RAB7A: variants seen among roughly 807,000 people sequenced by gnomAD.
The protein encoded by RAB7A is ras-related protein Rab-7a.
A neutral mutation model predicts 24.5 loss-of-function variants in RAB7A; 2 were observed. That is an observed-to-expected ratio of 0.08 (90% CI 0.03 to 0.26). The LOEUF (loss-of-function observed/expected upper bound fraction) is 0.26. Among genes scored for constraint, RAB7A ranks in the 10% least tolerant of loss-of-function variants. The pLI, the probability that RAB7A is intolerant of heterozygous loss-of-function variation, is 1.00. For synonymous variants in RAB7A, 100 were observed against 95.9 expected (o/e 1.04, Z -0.25); for missense variants, 118 against 255.7 (o/e 0.46, Z 3.67).
At chr3:128,804,441 CTG>C (rs1438109174) in intron 3 of RAB7A, among the ~76,000 whole-genome samples, 1 of 152,198 alleles carries the variant, frequency 6.6e-6, no homozygotes, top group African/African-American at 2.4e-5. Context: ...GCTATTGTGT[CTG>C]GTGATCTCTC....
chr3:128,808,218 G>T (rs906100903), intron 5 of RAB7A, among the ~76,000 whole-genome samples: 1 of 152,088 alleles, frequency 6.6e-6, no homozygotes, highest in Non-Finnish European at 1.5e-5. Context: ...AAATTAGCCA[G>T]ACCTGGTGGT....
At chr3:128,789,755 G>C (rs983766103) in intron 1 of RAB7A, among the ~76,000 whole-genome samples, 10 of 150,744 alleles carry the variant, frequency 6.6e-5, no homozygotes, top group Non-Finnish European at 1.5e-5. Flanking sequence ...GCAGCTTCTT[G>C]TAGCAAAAGT....
At chr3:128,738,943 T>G (rs1014079652) in intron 1 of RAB7A, among the ~76,000 whole-genome samples, 4 of 152,212 alleles carry the variant, frequency 2.6e-5, no homozygotes, top group African/African-American at 9.6e-5. Context: ...AATCTGTTAC[T>G]AAGCTTTAGT....
intron 1 of RAB7A, among the ~76,000 whole-genome samples, chr3:128,787,971 C>A (rs1406731148): frequency 1.3e-5 from 2 of 152,252 alleles, no homozygotes; most frequent in Non-Finnish European, 2.9e-5. Context: ...GCCTCAGCCT[C>A]CCAGAGTTCT....
At chr3:128,807,490 C>A in intron 4 of RAB7A, 53 bp from the exon 5 acceptor site, 1 of 1,612,176 alleles carries the variant, frequency 6.2e-7, no homozygotes, top group South Asian at 1.1e-5. Context: ...AGGATGGAGT[C>A]AGTGCTGGCT....
chr3:128,739,512 CAA>C (rs766598892), intron 1 of RAB7A, among the ~76,000 whole-genome samples: 10 of 120,928 alleles, frequency 8.3e-5, no homozygotes, highest in Non-Finnish European at 1.1e-4. Flanking sequence ...GACTTCATCT[CAA>C]AAAAAAAAAA....
intron 1 of RAB7A, among the ~76,000 whole-genome samples, chr3:128,733,413 T>C (rs2070457441): frequency 6.6e-6 from 1 of 152,250 alleles, no homozygotes; most frequent in South Asian, 2.1e-4. Context: ...TTATGTGATA[T>C]ATCATAATGT....
At position 128,753,045 on chromosome 3, in the gene RAB7A, A is replaced by G. The variant is rs192114875; in HGVS notation, c.-9+26686A>G. On this transcript the variant is annotated intron_variant, in intron 1 of 5. Coordinates refer to ENST00000265062, the MANE Select transcript of RAB7A (RefSeq NM_004637.6). ...TACATTATTAACATCTGTAGAATGGAGAGGAGGATATCTATTATTATAATT... is the reference window on the plus strand; with the variant it reads ...TACATTATTAACATCTGTAGAATGGGGAGGAGGATATCTATTATTATAATT... Among the ~76,000 whole-genome samples, 679 of 152,304 alleles carry G rather than the reference A, an allele frequency of 4.5e-3. 3 individuals are homozygous for G. The highest frequency in any genetic ancestry group is 6.8e-3 in the Middle Eastern group (2 of 294).
Position 128,814,453 on chromosome 3 carries a change from A to G in RAB7A, c.*1031A>G, listed in dbSNP as rs1374054905. 1 of 152,528 alleles carries G rather than the reference A, an allele frequency of 6.6e-6. No individual in the cohort carries two copies. The highest frequency in any genetic ancestry group is 1.5e-5 in the Non-Finnish European group (1 of 68,020). The allele number at this position is 152,528 out of a possible 1,614,324, so 9.4% of individuals were successfully genotyped here. On this transcript the variant is annotated 3_prime_UTR_variant, in exon 6 of 6. Transcript: ENST00000265062. ...CTCCACACTTCAAAACTCCCGTTAG[A>G]TCAGCATTCTACTACAAGAGTGAAA...
At chr3:128,752,738 C>CTTTT (rs11421152) in intron 1 of RAB7A, among the ~76,000 whole-genome samples, 1 of 134,278 alleles carries the variant, frequency 7.4e-6, no homozygotes, top group Non-Finnish European at 1.6e-5. Flanking sequence ...AGCTTTTCCT[C>CTTTT]TTTTTTTTTT....
At chr3:128,811,541 T>C (rs1933928185) in intron 5 of RAB7A, among the ~76,000 whole-genome samples, 1 of 152,208 alleles carries the variant, frequency 6.6e-6, no homozygotes, top group African/African-American at 2.4e-5. Flanking sequence ...CCATATGTTG[T>C]ACGATTCCAT....
At chr3:128,782,776 G>A (rs142867902) in intron 1 of RAB7A, among the ~76,000 whole-genome samples, 1,817 of 152,184 alleles carry the variant, frequency 0.012, 33 homozygotes, top group African/African-American at 0.039. Context: ...AAGGATCACA[G>A]GTCACCAAGC....
At chr3:128,764,250 C>T (rs960209119) in intron 1 of RAB7A, among the ~76,000 whole-genome samples, 1 of 152,122 alleles carries the variant, frequency 6.6e-6, no homozygotes, top group African/African-American at 2.4e-5. Flanking sequence ...GACCACATAC[C>T]ACATTTCTGT....
intron 5 of RAB7A, among the ~76,000 whole-genome samples, chr3:128,809,689 C>T (rs1054709232): frequency 1.3e-5 from 2 of 152,188 alleles, no homozygotes; most frequent in Admixed American, 6.5e-5. Context: ...TTTGTTTTGG[C>T]TTATGGCAGA....
chr3:128,795,442 G>A, intron 2 of RAB7A, 22 bp downstream of exon 2: 1 of 1,602,122 alleles, frequency 6.2e-7, no homozygotes, highest in Non-Finnish European at 8.6e-7. Context: ...ATGAATTTGA[G>A]CTAACAGATT....
intron 1 of RAB7A, among the ~76,000 whole-genome samples, chr3:128,766,803 G>C (rs1235681514): frequency 6.6e-6 from 1 of 152,036 alleles, no homozygotes; most frequent in Non-Finnish European, 1.5e-5. Context: ...GCCTCCCAAA[G>C]TGCTGGGATT....
At chr3:128,806,730 G>T in intron 4 of RAB7A, 140 bp downstream of exon 4, 1 of 892,556 alleles carries the variant, frequency 1.1e-6, no homozygotes. Context: ...AGCCCTTCAG[G>T]CCAACTGCCT....
At chr3:128,753,048 G>A (rs2070701625) in intron 1 of RAB7A, among the ~76,000 whole-genome samples, 1 of 152,128 alleles carries the variant, frequency 6.6e-6, no homozygotes, top group African/African-American at 2.4e-5. Flanking sequence ...AGAATGGAGA[G>A]GAGGATATCT....
At chr3:128,746,347 A>G (rs1415902104) in intron 1 of RAB7A, among the ~76,000 whole-genome samples, 1 of 151,944 alleles carries the variant, frequency 6.6e-6, no homozygotes, top group African/African-American at 2.4e-5. Context: ...ATCATAGCTC[A>G]CTGCAGCCTT....
Sources: gnomAD v4.1 joint callset for allele counts (sites outside exome capture counted in the v4.1 genomes callset) on GRCh38, gnomAD v4.1.1 for gene constraint, MANE v1.5 for transcripts, NCBI Gene and HGNC (gene_info 2026-07-23, HGNC 2026-07-21) for gene names.